Variants in SUCLG2 observed in about 807,000 individuals in gnomAD.
SUCLG2 encodes the protein succinate-CoA ligase GDP-forming subunit beta, also known as succinate--CoA ligase [GDP-forming] subunit beta, mitochondrial.
Under a neutral mutation model 47.9 loss-of-function variants are expected in SUCLG2, and 42 were observed. That is an observed-to-expected ratio of 0.88 (90% CI 0.69 to 1.14). The LOEUF (loss-of-function observed/expected upper bound fraction) is 1.14, where lower values mean the gene tolerates loss of function less well. Ranked by LOEUF, SUCLG2 falls within the 50% of genes most tolerant of loss-of-function variation. The pLI, the probability that SUCLG2 is intolerant of heterozygous loss-of-function variation, is 0.00. For synonymous variants in SUCLG2, 195 were observed against 197.3 expected (o/e 0.99, Z 0.10); for missense variants, 571 against 525.9 (o/e 1.09, Z -0.84).
chr3:67,442,040 T>C, intron 9 of SUCLG2, among the ~76,000 whole-genome samples: 1 of 149,304 alleles, frequency 6.7e-6, no homozygotes, highest in South Asian at 2.2e-4. Flanking sequence ...AGACGAAGTC[T>C]CGCTCTGTCG....
intron 9 of SUCLG2, among the ~76,000 whole-genome samples, chr3:67,409,524 A>G (rs1027852324): frequency 1.3e-5 from 2 of 152,108 alleles, no homozygotes; most frequent in Non-Finnish European, 2.9e-5. Flanking sequence ...ACTGTTAACA[A>G]TGTCTGCCAT....
At chr3:67,443,955 G>A (rs1458440247) in intron 9 of SUCLG2, among the ~76,000 whole-genome samples, 10 of 111,048 alleles carry the variant, frequency 9.0e-5, no homozygotes, top group Admixed American at 1.8e-4. Context: ...GTCCGGGAGG[G>A]AGGTGGGGGG....
intron 9 of SUCLG2, among the ~76,000 whole-genome samples, chr3:67,475,902 G>A (rs1387065411): frequency 2.0e-5 from 3 of 151,874 alleles, no homozygotes; most frequent in African/African-American, 7.3e-5. Flanking sequence ...CTGAAATACT[G>A]CCTGGAAGGA....
At chr3:67,651,879 A>T (rs1215766592) in intron 1 of SUCLG2, among the ~76,000 whole-genome samples, 1 of 152,136 alleles carries the variant, frequency 6.6e-6, no homozygotes, top group African/African-American at 2.4e-5. Context: ...CATGACCCTG[A>T]CTGATTTTCT....
chr3:67,587,241 T>C (rs1708047293), intron 2 of SUCLG2, among the ~76,000 whole-genome samples: 2 of 152,212 alleles, frequency 1.3e-5, no homozygotes, highest in Non-Finnish European at 2.9e-5. Context: ...TGCCTGGCAT[T>C]ATCACTCATC....
chr3:67,393,447 AAGGCGGCAGCG>A (rs1381873999), intron 10 of SUCLG2, among the ~76,000 whole-genome samples: 18 of 152,204 alleles, frequency 1.2e-4, no homozygotes, highest in Admixed American at 1.2e-3. Flanking sequence ...ATCAAACTGC[AAGGCGGCAGCG>A]AGGCTGGGGG....
intron 9 of SUCLG2, among the ~76,000 whole-genome samples, chr3:67,458,442 G>A (rs1704243014): frequency 6.6e-6 from 1 of 152,156 alleles, no homozygotes; most frequent in Admixed American, 6.5e-5. Flanking sequence ...GAACAATTCT[G>A]TATATTATCA....
chr3:67,434,474 T>G (rs570673674), intron 9 of SUCLG2, among the ~76,000 whole-genome samples: 27 of 152,268 alleles, frequency 1.8e-4, no homozygotes, highest in Non-Finnish European at 3.8e-4. Flanking sequence ...CTGCAGTGTG[T>G]GGTGATCATG....
chr3:67,361,513 G>T (rs946898776), intron 10 of SUCLG2, among the ~76,000 whole-genome samples: 3 of 152,106 alleles, frequency 2.0e-5, no homozygotes, highest in African/African-American at 4.8e-5. Flanking sequence ...GGGATGGGTT[G>T]TTTTCTAGGG....
intron 2 of SUCLG2, among the ~76,000 whole-genome samples, chr3:67,558,360 T>C (rs1707216775): frequency 6.6e-6 from 1 of 150,994 alleles, no homozygotes; most frequent in South Asian, 2.1e-4. Context: ...ACGGTTTACA[T>C]GCCACAGAGA....
chr3:67,361,175 A>G (rs1166855580), intron 10 of SUCLG2, among the ~76,000 whole-genome samples: 1 of 152,158 alleles, frequency 6.6e-6, no homozygotes, highest in East Asian at 1.9e-4. Context: ...CGGAAAAAAA[A>G]AAAAATCACT....
intron 2 of SUCLG2, among the ~76,000 whole-genome samples, chr3:67,565,223 A>G (rs946395147): frequency 6.6e-6 from 1 of 152,216 alleles, no homozygotes; most frequent in Admixed American, 6.5e-5. Flanking sequence ...GAGAAAGGTC[A>G]TTCCACACAA....
chr3:67,367,271 T>C (rs550008895), intron 10 of SUCLG2, among the ~76,000 whole-genome samples: 1 of 152,244 alleles, frequency 6.6e-6, no homozygotes, highest in East Asian at 1.9e-4. Context: ...ATTTACCATA[T>C]TTTTTTGCAG....
chr3:67,586,688 T>C (rs1344650116), intron 2 of SUCLG2, among the ~76,000 whole-genome samples: 1 of 152,240 alleles, frequency 6.6e-6, no homozygotes, highest in Non-Finnish European at 1.5e-5. Context: ...CCAAAGTTCG[T>C]TGCTTTTGGC....
chr3:67,450,121 A>G (rs1471601102), intron 9 of SUCLG2, among the ~76,000 whole-genome samples: 1 of 152,208 alleles, frequency 6.6e-6, no homozygotes, highest in Non-Finnish European at 1.5e-5. Flanking sequence ...AGCTTACTGC[A>G]GCCTTGAACT....
At chr3:67,446,430 T>C (rs1476123424) in intron 9 of SUCLG2, among the ~76,000 whole-genome samples, 1 of 101,202 alleles carries the variant, frequency 9.9e-6, no homozygotes, top group Non-Finnish European at 2.0e-5. Flanking sequence ...TTTTTTTTTT[T>C]TTTTTTTTTT....
chr3:67,402,168 T>C (rs920271592), intron 9 of SUCLG2, among the ~76,000 whole-genome samples: 2 of 152,320 alleles, frequency 1.3e-5, no homozygotes, highest in Non-Finnish European at 1.5e-5. Context: ...ATCTGTATTA[T>C]GGGAATAAAA....
chr3:67,654,020 C>T (rs757580203), intron 1 of SUCLG2, among the ~76,000 whole-genome samples: 3 of 152,198 alleles, frequency 2.0e-5, no homozygotes, highest in Non-Finnish European at 4.4e-5. Flanking sequence ...AAGCAGGTAG[C>T]CTGCAGGAAG....
At chr3:67,564,551 T>C (rs888550052) in intron 2 of SUCLG2, among the ~76,000 whole-genome samples, 13 of 152,270 alleles carry the variant, frequency 8.5e-5, no homozygotes, top group Non-Finnish European at 1.9e-4. Context: ...TATGCATCCC[T>C]GTCTTAATCA....
Sources: gnomAD v4.1 joint callset for allele counts (sites outside exome capture counted in the v4.1 genomes callset) on GRCh38, gnomAD v4.1.1 for gene constraint, MANE v1.5 for transcripts, NCBI Gene and HGNC (gene_info 2026-07-23, HGNC 2026-07-21) for gene names.